The following FIG4 variants were observed in gnomAD, a reference collection of about 807,000 sequenced individuals.
FIG4 encodes the protein FIG4 phosphoinositide 5-phosphatase, also known as polyphosphoinositide phosphatase.
In FIG4, 112 loss-of-function variants were observed where a neutral mutation model predicts 118.6. The ratio of observed to expected loss-of-function variants is 0.94; its 90% confidence interval spans 0.81 to 1.11. FIG4 has a LOEUF of 1.11. Ranked by LOEUF, FIG4 falls within the 50% of genes least tolerant of loss-of-function variation. The pLI is 0.00. For missense variants in FIG4, 969 were observed against 1,111.7 expected (o/e 0.87, Z 1.83); for synonymous variants, 369 against 381.2 (o/e 0.97, Z 0.37).
At chr6:109,799,783 C>T (rs1032145807) in intron 22 of FIG4, among the ~76,000 whole-genome samples, 1 of 152,204 alleles carries the variant, frequency 6.6e-6, no homozygotes, top group Non-Finnish European at 1.5e-5. Context: ...TGGACACTTT[C>T]AACCACGGTC....
At chr6:109,775,743 T>G (rs181239886) in intron 15 of FIG4, among the ~76,000 whole-genome samples, 1 of 152,286 alleles carries the variant, frequency 6.6e-6, no homozygotes, top group Non-Finnish European at 1.5e-5. Context: ...TCCCTTTTTA[T>G]ATATTACTTT....
At chr6:109,797,383 A>G (rs4499962) in intron 22 of FIG4, among the ~76,000 whole-genome samples, 92,822 of 152,082 alleles carry the variant, frequency 0.61, 30,761 homozygotes, top group African/African-American at 0.86. Flanking sequence ...GGGAATAATA[A>G]CACCTACTTT....
At position 109,786,401 on chromosome 6, in the gene FIG4, T is replaced by A; in HGVS notation, c.2048T>A (p.Leu683Ter). 1.9e-6 allele frequency: 3 copies of A among 1,614,012 alleles called. No individual in the cohort carries two copies. The highest frequency in any genetic ancestry group is 2.5e-6 in the Non-Finnish European group (3 of 1,179,860). ...IHNEFFRPYE[L>*]SSFDDTFCLA... ...AATGAGTTCTTTCGGCCATATGAGT[T>A]GAGCAGCTTTGATGATACCTTTTGC... Residue 683 changes from leucine (L) to a stop codon, truncating the protein, a stop_gained, in exon 18 of 23, where the codon TTG becomes TAG. Coordinates refer to ENST00000230124, the MANE Select transcript of FIG4 (RefSeq NM_014845.6). LOFTEE classifies it high-confidence loss of function.
chr6:109,770,662 G>T (rs768766874), intron 15 of FIG4, among the ~76,000 whole-genome samples: 1 of 152,076 alleles, frequency 6.6e-6, no homozygotes, highest in South Asian at 2.1e-4. Context: ...GGCAGAAGAA[G>T]GGGGAGCAGG....
intron 22 of FIG4, among the ~76,000 whole-genome samples, chr6:109,823,021 A>G (rs1455076423): frequency 6.6e-6 from 1 of 151,964 alleles, no homozygotes; most frequent in African/African-American, 2.4e-5. Flanking sequence ...TAGCAGCCTT[A>G]GACATAACAA....
At chr6:109,757,367 A>G (rs1776948038) in intron 10 of FIG4, among the ~76,000 whole-genome samples, 1 of 152,276 alleles carries the variant, frequency 6.6e-6, no homozygotes, top group African/African-American at 2.4e-5. Flanking sequence ...GACAAAAACT[A>G]CATGATTATC....
intron 6 of FIG4, among the ~76,000 whole-genome samples, chr6:109,736,772 T>A (rs974600378): frequency 6.6e-6 from 1 of 152,152 alleles, no homozygotes; most frequent in African/African-American, 2.4e-5. Context: ...GTTGCTAAAA[T>A]AACATAAATG....
At position 109,766,746 on chromosome 6, in the gene FIG4, A is replaced by G. The variant is rs749672655; in HGVS notation, c.1601A>G (p.Tyr534Cys). ...TTTTTTAGGTTATTTGAGGAACTCT[A>G]TGAAGATCATGGTGATACCCTATCC... ...TDAVRLFEEL[Y>C]EDHGDTLSLQ... Residue 534 changes from tyrosine to cysteine, a missense_variant, in exon 15 of 23, where the codon TAT becomes TGT. Physicochemically the swap from Tyr to Cys is radical, Grantham distance 194 (BLOSUM62 -2). Coordinates refer to ENST00000230124, the MANE Select transcript of FIG4 (RefSeq NM_014845.6). The G allele has an allele frequency of 2.4e-5, 39 of 1,613,818 alleles. No individual in the cohort carries two copies. Among genetic ancestry groups the G allele is most frequent in the East Asian group, 1.6e-4 (7 of 44,884 alleles).
Position 109,815,000 on chromosome 6 carries a change from A to G in FIG4, c.2547-10088A>G, listed in dbSNP as rs544272539. ...TGTATGTATAAGTATATACATGCAT[A>G]TCTATTTTATATATTATATCAAATA... On this transcript the variant is annotated intron_variant, in intron 22 of 22. Transcript: ENST00000230124. 3.7e-4 allele frequency among the ~76,000 whole-genome samples: 57 copies of G among 152,008 alleles called. No individual in the cohort carries two copies. The South Asian group carries it at 0.011, about 29-fold the overall frequency.
chr6:109,717,086 A>G (rs974057778), intron 3 of FIG4, among the ~76,000 whole-genome samples: 8 of 151,790 alleles, frequency 5.3e-5, no homozygotes, highest in South Asian at 2.1e-4. Flanking sequence ...ACTGTTTGAA[A>G]TTGTGTTAGT....
chr6:109,692,154 C>T (rs556251109), intron 1 of FIG4, among the ~76,000 whole-genome samples: 3 of 152,098 alleles, frequency 2.0e-5, no homozygotes, highest in African/African-American at 4.8e-5. Context: ...GTTTGTATTT[C>T]GATTACCAGT....
At chr6:109,742,965 A>G in intron 8 of FIG4, 145 bp from the exon 9 acceptor site, 1 of 707,620 alleles carries the variant, frequency 1.4e-6, no homozygotes, top group Non-Finnish European at 2.4e-6. Context: ...CATATTGAAT[A>G]TTGATCAATA....
chr6:109,817,568 TAA>T (rs5879047), intron 22 of FIG4, among the ~76,000 whole-genome samples: 9 of 139,886 alleles, frequency 6.4e-5, no homozygotes, highest in Non-Finnish European at 7.7e-5. Flanking sequence ...AGAGAGTGTG[TAA>T]AAAAAAAAAA....
chr6:109,699,480 C>T (rs368925363), intron 1 of FIG4, among the ~76,000 whole-genome samples: 41 of 149,552 alleles, frequency 2.7e-4, no homozygotes, highest in South Asian at 6.4e-4. Flanking sequence ...TTTCCTCATA[C>T]GCGGTTTTTT....
intron 22 of FIG4, among the ~76,000 whole-genome samples, chr6:109,819,611 G>A (rs985007150): frequency 6.6e-6 from 1 of 152,124 alleles, no homozygotes; most frequent in Admixed American, 6.6e-5. Context: ...TGGGATTACA[G>A]GTGCCCGCCA....
At chr6:109,819,748 C>A (rs188929172) in intron 22 of FIG4, among the ~76,000 whole-genome samples, 44 of 152,290 alleles carry the variant, frequency 2.9e-4, no homozygotes, top group Middle Eastern at 3.4e-3. Context: ...GGATTATAGG[C>A]ATGACTCACC....
At chr6:109,774,139 G>A (rs984232747) in intron 15 of FIG4, among the ~76,000 whole-genome samples, 1 of 152,082 alleles carries the variant, frequency 6.6e-6, no homozygotes, top group Non-Finnish European at 1.5e-5. Flanking sequence ...AAGTATATAT[G>A]TTAATTATAC....
chr6:109,780,988 C>T (rs1777785864), intron 16 of FIG4, among the ~76,000 whole-genome samples: 1 of 152,170 alleles, frequency 6.6e-6, no homozygotes, highest in South Asian at 2.1e-4. Flanking sequence ...AGGTATTAAG[C>T]ATTAATTATT....
intron 10 of FIG4, among the ~76,000 whole-genome samples, chr6:109,756,728 C>T (rs1172033764): frequency 6.6e-6 from 1 of 152,196 alleles, no homozygotes; most frequent in South Asian, 2.1e-4. Flanking sequence ...TTGATCACAT[C>T]GTCTCCTGAG....
Sources: gnomAD v4.1 joint callset for allele counts (sites outside exome capture counted in the v4.1 genomes callset) on GRCh38, gnomAD v4.1.1 for gene constraint, MANE v1.5 for transcripts, NCBI Gene and HGNC (gene_info 2026-07-23, HGNC 2026-07-21) for gene names.